FANCA: variants seen among roughly 807,000 people sequenced by gnomAD.
FANCA encodes Fanconi anemia group A protein.
A neutral mutation model predicts 194.3 loss-of-function variants in FANCA; 236 were observed. The ratio of observed to expected loss-of-function variants is 1.21; its 90% CI spans 1.09 to 1.35. The LOEUF (loss-of-function observed/expected upper bound fraction) is 1.35, where lower values mean the gene tolerates loss of function less well. Among genes scored for constraint, FANCA ranks in the 40% most tolerant of loss-of-function variants. The probability of loss-of-function intolerance (pLI) is 0.00; values close to 1 mark genes in which losing one functional copy is unlikely to be tolerated. For missense variants in FANCA, 2,628 were observed against 1,813.9 expected (o/e 1.45, Z -8.15); for synonymous variants, 1,014 against 715.8 (o/e 1.42, Z -6.65).
chr16:89,769,705 T>TAC (rs1555547346), intron 26 of FANCA, 132 bp downstream of exon 26: 3 of 999,696 alleles, frequency 3.0e-6, no homozygotes, highest in Non-Finnish European at 4.6e-6. Context: ...GAAGGATATA[T>TAC]ACCAAAATGC....
intron 17 of FANCA, among the ~76,000 whole-genome samples, chr16:89,780,756 C>G (rs1235663276): frequency 1.3e-5 from 2 of 151,840 alleles, no homozygotes; most frequent in Non-Finnish European, 2.9e-5. Flanking sequence ...CAGGGAGACC[C>G]TATGTCTGCA....
chr16:89,811,757 G>A (rs963306123), intron 3 of FANCA, among the ~76,000 whole-genome samples: 2 of 151,946 alleles, frequency 1.3e-5, no homozygotes, highest in African/African-American at 2.4e-5. Context: ...TTGCAATGGT[G>A]TCTTACACTG....
At chr16:89,803,207 G>C in intron 8 of FANCA, 52 bp downstream of exon 8, 1 of 1,522,726 alleles carries the variant, frequency 6.6e-7, no homozygotes, top group East Asian at 2.3e-5. Flanking sequence ...TTCAACACTT[G>C]GAATAAGGAC....
chr16:89,792,561 AACAG>A lies in FANCA; in HGVS notation c.1007-18_1007-15del, dbSNP rs887057821. On this transcript the variant is annotated splice_polypyrimidine_tract_variant and intron_variant, in intron 11 of 42. Transcript: ENST00000389301. ...CAGCATCAGATGCTGCAGGGGGAGA[AACAG>A]ACAAAAACTTCAAGTCAGAGATCAA... is the stretch of plus-strand genomic sequence containing the variant. The A allele has an allele frequency of 2.5e-6, 4 of 1,611,524 alleles. No individual in the cohort carries two copies. In the African/African-American group the frequency reaches 4.0e-5, roughly 16 times the overall value.
chr16:89,743,494 T>C (rs2238525), intron 36 of FANCA, among the ~76,000 whole-genome samples: 16,903 of 152,216 alleles, frequency 0.11, 1,163 homozygotes, highest in East Asian at 0.22. Context: ...CAGTTTGAGA[T>C]CTGCCTGGGC....
chr16:89,792,207 C>A, intron 12 of FANCA, 139 bp from the exon 13 acceptor site: 1 of 1,069,130 alleles, frequency 9.4e-7, no homozygotes, highest in Non-Finnish European at 1.4e-6. Context: ...GCTGTGACAG[C>A]TCACACCGTG....
chr16:89,739,827 T>C, intron 39 of FANCA, 167 bp downstream of exon 39: 2 of 1,476,528 alleles, frequency 1.4e-6, no homozygotes, highest in Non-Finnish European at 1.8e-6. Context: ...AGCCAGTAAA[T>C]TATCTTATTG....
At chr16:89,814,439 T>A in intron 3 of FANCA, 81 bp downstream of exon 3, 1 of 1,109,740 alleles carries the variant, frequency 9.0e-7, no homozygotes, top group East Asian at 2.4e-5. Context: ...AATTTACATT[T>A]CTACTTAATT....
In FANCA at chr16:89,771,710, T is replaced by A. The variant is rs1349300770; in HGVS notation, c.2119A>T (p.Asn707Tyr). 1 of 1,614,198 alleles carries A rather than the reference T, an allele frequency of 6.2e-7. No individual in the cohort carries two copies. The highest frequency in any genetic ancestry group is 8.5e-7 in the Non-Finnish European group (1 of 1,180,042). ...VEISKIQLSI[N>Y]TPRLEPREHM... ...TCCCGTGGCTCCAGTCTCGGCGTGT[T>A]GATGCTGAGCTGAATCTTTGATATC... Residue 707 changes from asparagine to tyrosine, a missense_variant, in exon 23 of 43, where the codon AAC becomes TAC. Transcript: ENST00000389301.
chr16:89,755,911 C>T (rs970259151), intron 30 of FANCA, among the ~76,000 whole-genome samples: 40 of 151,690 alleles, frequency 2.6e-4, no homozygotes, highest in Non-Finnish European at 2.4e-4. Flanking sequence ...CCACACGGCA[C>T]GGCCCACCGC....
chr16:89,814,047 G>C (rs1183449371), intron 3 of FANCA, among the ~76,000 whole-genome samples: 7 of 152,300 alleles, frequency 4.6e-5, no homozygotes, highest in Admixed American at 3.9e-4. Flanking sequence ...CGCTATTACT[G>C]AAGGTTATTT....
At chr16:89,763,435 C>T (rs577757224) in intron 28 of FANCA, among the ~76,000 whole-genome samples, 65 of 151,908 alleles carry the variant, frequency 4.3e-4, no homozygotes, top group Non-Finnish European at 9.4e-4. Context: ...CTCAGCCTCC[C>T]AAAGTGCTGG....
chr16:89,798,336 C>A (rs2040317920), intron 10 of FANCA: 3 of 1,029,110 alleles, frequency 2.9e-6, no homozygotes, highest in Non-Finnish European at 3.5e-6. Context: ...CCCAAGCTAA[C>A]TGATGCACAT....
chr16:89,765,694 G>A (rs550573518), intron 27 of FANCA, among the ~76,000 whole-genome samples: 2 of 152,240 alleles, frequency 1.3e-5, no homozygotes, highest in Non-Finnish European at 2.9e-5. Context: ...CTCTGCCCCC[G>A]AGGAGATGAG....
In FANCA at chr16:89,737,798, CCT is replaced by C. The variant is rs764019155; in HGVS notation, c.*801_*802del. 4.3e-6 allele frequency: 7 copies of C among 1,614,008 alleles called. No homozygotes were observed. Among genetic ancestry groups the C allele is most frequent in the African/African-American group, 4.0e-5 (3 of 74,926 alleles). ...GGGGCCTGGACTCACTGGACTCTCCCCTCTCAGAGGTGCGGAACTATATCTGT... is the reference window on the plus strand; with the variant it reads ...GGGGCCTGGACTCACTGGACTCTCCCCTCAGAGGTGCGGAACTATATCTGT... On this transcript the variant is annotated 3_prime_UTR_variant, in exon 43 of 43. Coordinates refer to ENST00000389301, the MANE Select transcript of FANCA (RefSeq NM_000135.4).
intron 28 of FANCA, among the ~76,000 whole-genome samples, chr16:89,764,314 TA>T (rs1228982582): frequency 6.6e-6 from 1 of 152,210 alleles, no homozygotes; most frequent in East Asian, 1.9e-4. Context: ...TTTATTAATA[TA>T]TTTTTTTGAG....
rs760427519 is a variant in FANCA at position 89,740,007 on chromosome 16, C to T, written c.3921G>A (p.Gln1307=). ...CGTGTTTCTTACCACTCTCTGTCAA[C>T]TGAAAGAGTGCCAGCCAGGATATCT... ...KRKISWLALF[Q]LTESDLRLGR... is the part of the protein sequence containing the mutation. The change falls in exon 39 of 43, where the codon CAG becomes CAA. Residue 1307 remains glutamine (Q), a synonymous_variant. Coordinates refer to ENST00000389301, the MANE Select transcript of FANCA (RefSeq NM_000135.4). The T allele has an allele frequency of 1.2e-6, 2 of 1,614,190 alleles. No individual in the cohort carries two copies. The highest frequency in any genetic ancestry group is 1.7e-6 in the Non-Finnish European group (2 of 1,179,996).
intron 17 of FANCA, among the ~76,000 whole-genome samples, chr16:89,780,389 A>G (rs959774251): frequency 6.6e-6 from 1 of 152,152 alleles, no homozygotes; most frequent in African/African-American, 2.4e-5. Context: ...TGAGAGGCTA[A>G]GCGGGGCAGA....
Position 89,791,628 on chromosome 16 carries a change from G to A in FANCA, c.1226-92C>T, listed in dbSNP as rs965660633. On this transcript the variant is annotated intron_variant, in intron 13 of 42. Coordinates refer to ENST00000389301, the MANE Select transcript of FANCA (RefSeq NM_000135.4). ...TGCTGGGTGATCAAGTATTCCAGAA[G>A]GAGACTGTGCACACCCAAACACCAA... 11 of 1,551,202 alleles carry A rather than the reference G, an allele frequency of 7.1e-6. No homozygotes were observed. The African/African-American group carries it at 9.5e-5, about 13-fold the overall frequency.
Sources: gnomAD v4.1 joint callset for allele counts (sites outside exome capture counted in the v4.1 genomes callset) on GRCh38, gnomAD v4.1.1 for gene constraint, MANE v1.5 for transcripts, NCBI Gene and HGNC (gene_info 2026-07-23, HGNC 2026-07-21) for gene names.